The following ELOF1 variants were observed in gnomAD, a reference collection of about 807,000 sequenced individuals.
ELOF1 encodes the protein transcription elongation factor 1 homolog.
In ELOF1, 4 loss-of-function variants were observed where a neutral mutation model predicts 7.1. The observed-to-expected ratio is 0.56, with a 90% CI of 0.28 to 1.29. The LOEUF is 1.29. Ranked by LOEUF, ELOF1 falls within the 50% of genes most tolerant of loss-of-function variation. ELOF1 has a pLI of 0.10. For synonymous variants in ELOF1, 31 were observed against 31.9 expected (o/e 0.97, Z 0.09); for missense variants, 59 against 86.3 (o/e 0.68, Z 1.25).
At chr19:11,556,270 C>T (rs1972832285) in intron 1 of ELOF1, among the ~76,000 whole-genome samples, 1 of 152,214 alleles carries the variant, frequency 6.6e-6, no homozygotes, top group South Asian at 2.1e-4. Flanking sequence ...CATTCATTAT[C>T]TGCTGATCAC....
At chr19:11,557,218 T>A (rs1027754545) in intron 1 of ELOF1, among the ~76,000 whole-genome samples, 5 of 152,172 alleles carry the variant, frequency 3.3e-5, no homozygotes, top group African/African-American at 1.2e-4. Context: ...GGATGCCATG[T>A]GCTCCCTGTC....
At chr19:11,553,749 C>T (rs766266806) in intron 3 of ELOF1, 6 of 1,614,230 alleles carry the variant, frequency 3.7e-6, no homozygotes, top group Non-Finnish European at 4.2e-6. Flanking sequence ...TGTGTCGCTA[C>T]TGATTGGCCG....
At chr19:11,553,885 T>G in intron 3 of ELOF1, 75 bp from the exon 4 acceptor site, 1 of 1,610,186 alleles carries the variant, frequency 6.2e-7, no homozygotes, top group South Asian at 1.1e-5. Flanking sequence ...CAGAAATCAC[T>G]AGGTGGCACC....
intron 1 of ELOF1, among the ~76,000 whole-genome samples, chr19:11,557,388 G>A (rs1210011326): frequency 6.6e-6 from 1 of 151,998 alleles, no homozygotes; most frequent in African/African-American, 2.4e-5. Context: ...TTGAGGTTAG[G>A]AGTTGGAGAC....
intron 1 of ELOF1, among the ~76,000 whole-genome samples, chr19:11,558,176 T>C (rs931371724): frequency 4.6e-5 from 7 of 152,192 alleles, no homozygotes; most frequent in Admixed American, 6.6e-5. Context: ...ATCAGAAACC[T>C]TGGATTCATC....
chr19:11,553,712 G>T (rs771035160), intron 3 of ELOF1: 4 of 1,613,670 alleles, frequency 2.5e-6, no homozygotes, highest in Admixed American at 3.3e-5. Flanking sequence ...TCCACAGTAC[G>T]CGGGGCTGCT....
At chr19:11,556,365 T>TCACAG in intron 1 of ELOF1, among the ~76,000 whole-genome samples, 1 of 151,478 alleles carries the variant, frequency 6.6e-6, no homozygotes, top group East Asian at 1.9e-4. Context: ...AGTGGCATGA[T>TCACAG]CTCGACCCAC....
At chr19:11,553,378 G>T in intron 3 of ELOF1, 1 of 456,060 alleles carries the variant, frequency 2.2e-6, no homozygotes, top group South Asian at 4.9e-5. Flanking sequence ...GCCGGGGGGA[G>T]CCAGAGCCCC....
At chr19:11,553,578 C>CTACACACA in intron 3 of ELOF1, 1 of 721,304 alleles carries the variant, frequency 1.4e-6, no homozygotes, top group East Asian at 2.8e-5. Context: ...ACACGCACAC[C>CTACACACA]CACTACACAC....
chr19:11,557,997 C>A (rs1972857783), intron 1 of ELOF1, among the ~76,000 whole-genome samples: 1 of 152,198 alleles, frequency 6.6e-6, no homozygotes, highest in Non-Finnish European at 1.5e-5. Context: ...AGCCTTGAGT[C>A]TGAACTGCAG....
chr19:11,553,412 A>C, intron 3 of ELOF1: 1 of 482,032 alleles, frequency 2.1e-6, no homozygotes, highest in South Asian at 3.9e-5. Context: ...CAGGGGCTGC[A>C]GGGAACACAG....
intron 1 of ELOF1, among the ~76,000 whole-genome samples, chr19:11,556,992 C>T (rs530708107): frequency 6.6e-6 from 1 of 152,272 alleles, no homozygotes; most frequent in East Asian, 1.9e-4. Context: ...CCTCTCTCCT[C>T]ATTTAAAAAG....
rs759908251 is a variant in ELOF1 at position 11,553,487 on chromosome 19, G to A, written c.188-432C>T. Reference sequence around the variant, plus strand: ...TCAGGCCCAGGAACCCGACACCACCGCGTACCTGTGAGCACACACTCACGG... The same window carrying A: ...TCAGGCCCAGGAACCCGACACCACCACGTACCTGTGAGCACACACTCACGG... On this transcript the variant is annotated intron_variant, in intron 3 of 3. Transcript: ENST00000586683. 7.8e-5 allele frequency: 46 copies of A among 592,852 alleles called. 1 individual carries two copies. Among genetic ancestry groups the A allele is most frequent in the Middle Eastern group, 4.4e-4 (1 of 2,264 alleles). The allele number at this position is 592,852 out of a possible 1,614,324, so 36.7% of individuals were successfully genotyped here.
At chr19:11,553,482 C>G (rs1351941728) in intron 3 of ELOF1, 1 of 589,578 alleles carries the variant, frequency 1.7e-6, no homozygotes, top group East Asian at 2.8e-5. Context: ...GAACCCGACA[C>G]CACCGCGTAC....
intron 1 of ELOF1, among the ~76,000 whole-genome samples, chr19:11,558,748 A>C (rs2145062630): frequency 6.6e-6 from 1 of 151,788 alleles, no homozygotes. Context: ...AAAAAGTCCA[A>C]ACAAAATCTA....
In ELOF1 at chr19:11,554,007, A is replaced by C; in HGVS notation, c.187+4T>G. 6.2e-7 allele frequency: 1 copy of C among 1,614,172 alleles called. No individual in the cohort carries two copies. The highest frequency in any genetic ancestry group is 8.5e-7 in the Non-Finnish European group (1 of 1,180,040). The stretch of plus-strand genomic sequence containing the variant: ...CTGGAAAAAGCCCAGGTTTCCAAGG[A>C]TACACGTTATGGGCGTCTGGAATTC... On this transcript the variant is annotated splice_donor_region_variant and intron_variant, in intron 3 of 3. Transcript: ENST00000586683.
chr19:11,553,223 G>A (rs1243157668), intron 3 of ELOF1: 10 of 398,674 alleles, frequency 2.5e-5, no homozygotes, highest in African/African-American at 2.1e-5. Flanking sequence ...TTGAATCCCC[G>A]GCCACGGGCA....
At chr19:11,553,049 G>T in exon 4 of ELOF1, 1 of 399,378 alleles carries the variant, frequency 2.5e-6, no homozygotes, top group Non-Finnish European at 4.4e-6. Flanking sequence ...CAAGGGATGT[G>T]CGCTGGCTGC....
intron 3 of ELOF1, chr19:11,553,704 C>T (rs1309809580): frequency 6.2e-7 from 1 of 1,613,604 alleles, no homozygotes; most frequent in African/African-American, 1.3e-5. Context: ...CAGCTGGATC[C>T]ACAGTACGCG....
Sources: gnomAD v4.1 joint callset for allele counts (sites outside exome capture counted in the v4.1 genomes callset) on GRCh38, gnomAD v4.1.1 for gene constraint, MANE v1.5 for transcripts, NCBI Gene and HGNC (gene_info 2026-07-23, HGNC 2026-07-21) for gene names.